MAOB: variants seen among roughly 807,000 people sequenced by gnomAD.
MAOB encodes amine oxidase [flavin-containing] B.
Under a neutral mutation model 41.9 loss-of-function variants are expected in MAOB, and 15 were observed. That is an observed-to-expected ratio of 0.36 (90% CI 0.24 to 0.55). The LOEUF is 0.55. MAOB is among the 20% of genes least tolerant of loss of function. The pLI is 0.86. For synonymous variants in MAOB, 167 were observed against 144.2 expected, an observed-to-expected ratio of 1.16 and a Z score of -1.13; for missense variants, 345 against 398.7, an observed-to-expected ratio of 0.87 and a Z score of 1.15.
At chrX:43,871,002 T>C (rs1271265378) in intron 1 of MAOB, among the ~76,000 whole-genome samples, 2 of 110,505 alleles carry the variant, frequency 1.8e-5, no homozygotes, top group Non-Finnish European at 1.9e-5. Context: ...GGTTTGCATA[T>C]AGAAGCTTTA....
chrX:43,869,813 C>G (rs1262739051), intron 1 of MAOB, among the ~76,000 whole-genome samples: 3 of 111,500 alleles, frequency 2.7e-5, no homozygotes, highest in Non-Finnish European at 5.7e-5. Flanking sequence ...TCGTCAAAAC[C>G]CTACAGAACA....
At chrX:43,802,722 T>C (rs900517662) in intron 4 of MAOB, among the ~76,000 whole-genome samples, 1 of 107,316 alleles carries the variant, frequency 9.3e-6, no homozygotes, top group African/African-American at 3.4e-5. Context: ...AAGTGGGAGT[T>C]GAACAATGAA....
At position 43,882,422 on chromosome X, in the gene MAOB, G is replaced by A; in HGVS notation, c.-123C>T. ...CCGGCCTGCTGCGCGCTGCCCCCGT[G>A]CACCAGCGCCTCGGCGAGCCGCTAT... is the stretch of plus-strand genomic sequence containing the variant. On this transcript the variant is annotated 5_prime_UTR_variant, in exon 1 of 15. Coordinates refer to ENST00000378069, the MANE Select transcript of MAOB (RefSeq NM_000898.5). 1 of 1,038,750 alleles carries A rather than the reference G, an allele frequency of 9.6e-7. No homozygotes were observed. Among genetic ancestry groups the A allele is most frequent in the South Asian group, 2.9e-5 (1 of 35,033 alleles). 85.6% of individuals were successfully genotyped at this position (1,038,750 alleles called of 1,213,427 possible).
intron 12 of MAOB, among the ~76,000 whole-genome samples, chrX:43,773,791 G>A (rs1219446562): frequency 1.8e-5 from 2 of 111,935 alleles, no homozygotes; most frequent in African/African-American, 6.5e-5. Flanking sequence ...GATGTGACTT[G>A]CTCCTCCTTG....
intron 1 of MAOB, among the ~76,000 whole-genome samples, chrX:43,872,053 G>T (rs1731917707): frequency 8.9e-6 from 1 of 111,782 alleles, no homozygotes; most frequent in African/African-American, 3.2e-5. Flanking sequence ...ATAGAAAATG[G>T]TTTGTTACAG....
At chrX:43,841,141 A>G (rs946074010) in intron 2 of MAOB, among the ~76,000 whole-genome samples, 1 of 111,657 alleles carries the variant, frequency 9.0e-6, no homozygotes, top group African/African-American at 3.3e-5. Context: ...TATATGTCTT[A>G]TCTCTCTGGA....
intron 2 of MAOB, among the ~76,000 whole-genome samples, chrX:43,839,529 C>T (rs984753731): frequency 1.8e-5 from 2 of 111,577 alleles, no homozygotes; most frequent in East Asian, 2.8e-4. Context: ...GACTGAGGGG[C>T]GAACTTTGAA....
rs766309337 is a variant in MAOB at position 43,851,286 on chromosome X, T to G, written c.47-7522A>C. Among the ~76,000 whole-genome samples, 5 of 111,874 alleles carry G rather than the reference T, an allele frequency of 4.5e-5. No homozygotes were observed. In the South Asian group the frequency reaches 1.9e-3, roughly 42 times the overall value. ...ATGCATAAACATACTCTCAAGAAAT[T>G]TTTTTTTAAGTATAGAAGATAATTA... On this transcript the variant is annotated intron_variant, in intron 1 of 14. Coordinates refer to ENST00000378069, the MANE Select transcript of MAOB (RefSeq NM_000898.5).
chrX:43,873,709 T>C (rs1012964134), intron 1 of MAOB, among the ~76,000 whole-genome samples: 4 of 110,687 alleles, frequency 3.6e-5, no homozygotes, highest in African/African-American at 1.3e-4. Context: ...ATGGAGTCTG[T>C]CTCTGTCGCC....
At chrX:43,771,598 T>C (rs1461401856) in intron 12 of MAOB, among the ~76,000 whole-genome samples, 1 of 110,573 alleles carries the variant, frequency 9.0e-6, no homozygotes, top group Non-Finnish European at 1.9e-5. Flanking sequence ...TTTCCCCGTG[T>C]TGATTAAACA....
At chrX:43,876,917 G>C (rs1208720496) in intron 1 of MAOB, among the ~76,000 whole-genome samples, 1 of 111,945 alleles carries the variant, frequency 8.9e-6, no homozygotes, top group African/African-American at 3.3e-5. Flanking sequence ...GTTTGACAGT[G>C]AGGAAGCTGG....
intron 1 of MAOB, among the ~76,000 whole-genome samples, chrX:43,868,633 T>C (rs1376306248): frequency 9.0e-6 from 1 of 111,242 alleles, no homozygotes; most frequent in Non-Finnish European, 1.9e-5. Context: ...TTATACCCCT[T>C]ATAAGGCCAG....
chrX:43,850,869 G>T (rs1337225849), intron 1 of MAOB, among the ~76,000 whole-genome samples: 1 of 112,074 alleles, frequency 8.9e-6, no homozygotes, highest in Non-Finnish European at 1.9e-5. Flanking sequence ...CAGCCGCTTT[G>T]AGATACTAGA....
chrX:43,794,667 T>C (rs1032617684), intron 7 of MAOB, among the ~76,000 whole-genome samples: 5 of 110,504 alleles, frequency 4.5e-5, no homozygotes, highest in Non-Finnish European at 7.6e-5. Context: ...TGATAATACC[T>C]TTATAAGTTT....
chrX:43,813,128 T>C (rs900411731), intron 3 of MAOB, among the ~76,000 whole-genome samples: 2 of 112,266 alleles, frequency 1.8e-5, no homozygotes, highest in African/African-American at 6.5e-5. Context: ...ACAACTAGTA[T>C]GTGGCAGCAG....
intron 3 of MAOB, among the ~76,000 whole-genome samples, chrX:43,818,492 C>T (rs2034844878): frequency 8.9e-6 from 1 of 112,189 alleles, no homozygotes; most frequent in Non-Finnish European, 1.9e-5. Context: ...AGATCCAAGT[C>T]CTGGATGGAT....
intron 3 of MAOB, among the ~76,000 whole-genome samples, chrX:43,814,157 G>A (rs1051752432): frequency 1.8e-5 from 2 of 110,858 alleles, no homozygotes; most frequent in African/African-American, 6.6e-5. Context: ...GAAGGGGGCA[G>A]CCTTGTCTTA....
chrX:43,768,163 C>T (rs2034135121), intron 14 of MAOB, among the ~76,000 whole-genome samples: 1 of 112,027 alleles, frequency 8.9e-6, no homozygotes, highest in African/African-American at 3.2e-5. Context: ...GCACTCTAAC[C>T]TCTATGCATC....
chrX:43,815,001 G>A (rs925975693), intron 3 of MAOB, among the ~76,000 whole-genome samples: 7 of 111,802 alleles, frequency 6.3e-5, no homozygotes, highest in Non-Finnish European at 1.1e-4. Flanking sequence ...TTCCACAGAA[G>A]TCTCCAAAAT....
Sources: allele counts gnomAD v4.1 joint callset (sites outside exome capture counted in the v4.1 genomes callset), GRCh38; gene constraint gnomAD v4.1.1; transcripts MANE v1.5; gene names NCBI Gene and HGNC (gene_info 2026-07-23, HGNC 2026-07-21).